The following ERC1 variants were observed in gnomAD, a reference collection of about 807,000 sequenced individuals.
ERC1 encodes RAB6 interacting protein 2.
Under a neutral mutation model 132.0 loss-of-function variants are expected in ERC1, and 56 were observed. That is an observed-to-expected ratio of 0.42 (90% CI 0.34 to 0.53). The LOEUF (loss-of-function observed/expected upper bound fraction) is 0.53. Among genes scored for constraint, ERC1 ranks in the 20% least tolerant of loss-of-function variants. The probability of loss-of-function intolerance (pLI) is 0.03; values close to 1 mark genes in which losing one functional copy is unlikely to be tolerated. For missense variants in ERC1, 1,202 were observed against 1,349.9 expected, an observed-to-expected ratio of 0.89 and a Z score of 1.72; for synonymous variants, 478 against 476.1, an observed-to-expected ratio of 1.00 and a Z score of -0.05.
At chr12:1,290,070 C>T (rs1317072050) in intron 15 of ERC1, 58 bp downstream of exon 15, 11 of 1,442,388 alleles carry the variant, frequency 7.6e-6, no homozygotes, top group Non-Finnish European at 1.1e-5. Flanking sequence ...CTTTTTCTCC[C>T]TGCATTCATC....
At chr12:1,484,668 C>G (rs1464993055) in intron 18 of ERC1, among the ~76,000 whole-genome samples, 1 of 151,580 alleles carries the variant, frequency 6.6e-6, no homozygotes, top group Non-Finnish European at 1.5e-5. Flanking sequence ...AGCTCCGCCT[C>G]CCGGGCTCAA....
intron 18 of ERC1, among the ~76,000 whole-genome samples, chr12:1,455,679 C>T (rs1316460777): frequency 2.6e-5 from 4 of 152,158 alleles, no homozygotes; most frequent in Admixed American, 2.6e-4. Flanking sequence ...TCTTAAGAAA[C>T]TCCATGAAAA....
intron 15 of ERC1, among the ~76,000 whole-genome samples, chr12:1,334,117 C>G (rs913036781): frequency 1.3e-5 from 2 of 152,018 alleles, no homozygotes; most frequent in African/African-American, 4.8e-5. Flanking sequence ...TGTTTAAGCT[C>G]TTTATGGATC....
At chr12:1,414,581 C>T (rs780525914) in intron 17 of ERC1, among the ~76,000 whole-genome samples, 3 of 152,068 alleles carry the variant, frequency 2.0e-5, no homozygotes, top group Non-Finnish European at 4.4e-5. Context: ...ACTTAGTCTC[C>T]GCCCAACAGG....
chr12:1,301,461 T>C (rs1294522965), intron 15 of ERC1, among the ~76,000 whole-genome samples: 1 of 152,186 alleles, frequency 6.6e-6, no homozygotes, highest in Non-Finnish European at 1.5e-5. Flanking sequence ...GTAGTGCCCA[T>C]ACACCATGGA....
At chr12:1,118,013 A>G (rs921642175) in intron 7 of ERC1, among the ~76,000 whole-genome samples, 7 of 152,226 alleles carry the variant, frequency 4.6e-5, no homozygotes, top group African/African-American at 1.4e-4. Context: ...GTGAAAATAA[A>G]TTATGGAGAA....
intron 12 of ERC1, among the ~76,000 whole-genome samples, chr12:1,193,431 TACAC>T (rs57726333): frequency 0.36 from 52,997 of 148,984 alleles, 10,007 homozygotes; most frequent in African/African-American, 0.48. Context: ...ATTAGTAGGA[TACAC>T]ACACACACAC....
At chr12:1,194,401 A>G (rs1956026278) in intron 12 of ERC1, among the ~76,000 whole-genome samples, 1 of 152,140 alleles carries the variant, frequency 6.6e-6, no homozygotes, top group African/African-American at 2.4e-5. Flanking sequence ...AGCCTGGGTG[A>G]CAGAGCGAGA....
chr12:1,135,817 C>G (rs988878725), intron 7 of ERC1, among the ~76,000 whole-genome samples: 5 of 152,262 alleles, frequency 3.3e-5, no homozygotes, highest in African/African-American at 1.2e-4. Context: ...AACTCCAGAA[C>G]TTGGAGAGAG....
chr12:1,440,281 T>C (rs1357293553), intron 17 of ERC1, among the ~76,000 whole-genome samples: 3 of 143,280 alleles, frequency 2.1e-5, no homozygotes, highest in Admixed American at 7.0e-5. Context: ...CTCGGCTCAC[T>C]GCAAGCTCCG....
At chr12:1,195,241 G>A (rs1200166794) in intron 12 of ERC1, among the ~76,000 whole-genome samples, 1 of 152,124 alleles carries the variant, frequency 6.6e-6, no homozygotes, top group Non-Finnish European at 1.5e-5. Flanking sequence ...ATCCCCAAAA[G>A]TTCCCTTTTG....
chr12:1,227,476 T>C (rs1288249973), intron 12 of ERC1, among the ~76,000 whole-genome samples: 11 of 152,226 alleles, frequency 7.2e-5, no homozygotes, highest in Non-Finnish European at 1.3e-4. Context: ...TTTCGAGAAA[T>C]GTCTATTCAG....
intron 2 of ERC1, among the ~76,000 whole-genome samples, chr12:1,070,286 CTTACTTTCTTT>C (rs1940090711): frequency 6.6e-6 from 1 of 150,892 alleles, no homozygotes; most frequent in South Asian, 2.1e-4. Flanking sequence ...TTCTTTTTTT[CTTACTTTCTTT>C]TTTTCTTTTC....
intron 17 of ERC1, among the ~76,000 whole-genome samples, chr12:1,411,246 C>A (rs1265973463): frequency 1.3e-5 from 2 of 152,126 alleles, no homozygotes; most frequent in Non-Finnish European, 2.9e-5. Context: ...CTAAGGAAAT[C>A]CTTTTCTTAG....
chr12:1,139,640 C>T (rs1023425546), intron 7 of ERC1, among the ~76,000 whole-genome samples: 2 of 151,552 alleles, frequency 1.3e-5, no homozygotes, highest in African/African-American at 4.9e-5. Flanking sequence ...TATACATGAA[C>T]ACATGCAGGA....
At position 1,236,772 on chromosome 12, in the gene ERC1, A is replaced by G; in HGVS notation, c.2355A>G (p.Gln785=). The stretch of plus-strand genomic sequence containing the variant: ...ATTTTTCTCCTTCTGTCATTAGGCA[A>G]GTGAAAGACCAGAATAAGAAGGTAG... ...KDKKIAELER[Q]VKDQNKKVAN... The change falls in exon 13 of 19, where the codon CAA becomes CAG. Residue 785 remains glutamine (Q), a synonymous_variant. Transcript: ENST00000360905. 1 of 1,613,316 alleles carries G rather than the reference A, an allele frequency of 6.2e-7. No individual in the cohort carries two copies. The highest frequency in any genetic ancestry group is 8.5e-7 in the Non-Finnish European group (1 of 1,179,574).
At chr12:1,003,119 C>CAAAAAAAAAAAAAAA in intron 1 of ERC1, among the ~76,000 whole-genome samples, 1 of 84,822 alleles carries the variant, frequency 1.2e-5, no homozygotes, top group Non-Finnish European at 2.7e-5. Flanking sequence ...AAAAAAGACT[C>CAAAAAAAAAAAAAAA]AAAAAAAAAA....
chr12:1,274,202 T>C (rs2078080491), intron 14 of ERC1, among the ~76,000 whole-genome samples: 1 of 152,218 alleles, frequency 6.6e-6, no homozygotes, highest in South Asian at 2.1e-4. Context: ...GTTAAAAGTT[T>C]ATGTATCATC....
chr12:1,208,707 T>G (rs1377482606), intron 12 of ERC1, among the ~76,000 whole-genome samples: 1 of 152,174 alleles, frequency 6.6e-6, no homozygotes, highest in African/African-American at 2.4e-5. Flanking sequence ...CTTCTTTTGA[T>G]TATACTAAGC....
Sources: allele counts gnomAD v4.1 joint callset (sites outside exome capture counted in the v4.1 genomes callset), GRCh38; gene constraint gnomAD v4.1.1; transcripts MANE v1.5; gene names NCBI Gene and HGNC (gene_info 2026-07-23, HGNC 2026-07-21).